The following TACO1 variants were observed in gnomAD, a reference collection of about 807,000 sequenced individuals.
TACO1 encodes translational activator of cytochrome c oxidase I.
In TACO1, 13 loss-of-function variants were observed where a neutral mutation model predicts 24.0. That is an observed-to-expected ratio of 0.54 (90% CI 0.35 to 0.86). TACO1 has a LOEUF of 0.86. Among genes scored for constraint, TACO1 ranks in the 40% least tolerant of loss-of-function variants. TACO1 has a pLI of 0.01. For missense variants in TACO1, 352 were observed against 380.1 expected (o/e 0.93, Z 0.61); for synonymous variants, 149 against 153.5 (o/e 0.97, Z 0.22).
rs146793018 is a variant in TACO1 at position 63,606,025 on chromosome 17, G to A, written c.388-288G>A. Among the ~76,000 whole-genome samples, 1,166 of 152,234 alleles carry A rather than the reference G, an allele frequency of 7.7e-3. 10 individuals carry two copies. Among genetic ancestry groups the A allele is most frequent in the Middle Eastern group, 0.017 (5 of 294 alleles). On this transcript the variant is annotated intron_variant, in intron 2 of 4. Transcript: ENST00000258975. ...GGAGGATGAGTCTGAGTGGGATTGG[G>A]TAGGGACTAGATGTGGCATTTGGTT...
At chr17:63,607,223 A>C in intron 3 of TACO1, 64 bp from the exon 4 acceptor site, 1 of 1,420,830 alleles carries the variant, frequency 7.0e-7, no homozygotes, top group East Asian at 2.3e-5. Context: ...TAGAATGATG[A>C]GCTTTATGGA....
At chr17:63,605,210 T>C (rs1170625348) in intron 2 of TACO1, among the ~76,000 whole-genome samples, 2 of 151,978 alleles carry the variant, frequency 1.3e-5, no homozygotes, top group Admixed American at 6.6e-5. Context: ...TGAGGTATTA[T>C]AGAAAGAAGG....
chr17:63,601,466 C>A, intron 1 of TACO1, 103 bp downstream of exon 1: 2 of 1,336,734 alleles, frequency 1.5e-6, no homozygotes, highest in South Asian at 1.2e-5. Flanking sequence ...TCCGGCCCTT[C>A]ACTTTGTTTT....
chr17:63,601,837 A>G (rs2033823907), intron 1 of TACO1, among the ~76,000 whole-genome samples: 1 of 152,084 alleles, frequency 6.6e-6, no homozygotes, highest in Non-Finnish European at 1.5e-5. Context: ...TTTCCCCAAG[A>G]CACATTTCCT....
rs2033817234 is a variant in TACO1 at position 63,601,160 on chromosome 17, C to T, written c.77C>T (p.Ala26Val). 1 of 1,544,782 alleles carries T rather than the reference C, an allele frequency of 6.5e-7. No homozygotes were observed. The highest frequency in any genetic ancestry group is 2.0e-5 in the Admixed American group (1 of 50,850). ...CTGGCACGAGGCCCCGGGGTCAGGGCGGCTCCTCCGCGCGACCCCCGGCCC... is the reference window on the plus strand; with the variant it reads ...CTGGCACGAGGCCCCGGGGTCAGGGTGGCTCCTCCGCGCGACCCCCGGCCC... ...CLLARGPGVR[A>V]APPRDPRPSH... Residue 26 changes from alanine (A) to valine (V), a missense_variant, in exon 1 of 5, where the codon GCG (alanine) becomes GTG (valine). Transcript: ENST00000258975.
At position 63,601,004 on chromosome 17, in the gene TACO1, A is replaced by C; in HGVS notation, c.-80A>C. Reference sequence around the variant, plus strand: ...CGGCACAGGCGGCCGCGGGGTCCGGAACTGCTTGTTCCGGCAGTGGAAGAG... The same window carrying C: ...CGGCACAGGCGGCCGCGGGGTCCGGCACTGCTTGTTCCGGCAGTGGAAGAG... On this transcript the variant is annotated 5_prime_UTR_variant, in exon 1 of 5. Coordinates refer to ENST00000258975, the MANE Select transcript of TACO1 (RefSeq NM_016360.4). 1 of 1,499,966 alleles carries C rather than the reference A, an allele frequency of 6.7e-7. No homozygotes were observed. The highest frequency in any genetic ancestry group is 9.0e-7 in the Non-Finnish European group (1 of 1,116,764). The allele number at this position is 1,499,966 out of a possible 1,614,324, so 92.9% of individuals were successfully genotyped here.
chr17:63,601,107 C>T lies in TACO1; in HGVS notation c.24C>T (p.Ser8=). The change falls in exon 1 of 5, where the codon AGC becomes AGT. Residue 8 remains serine (S), a synonymous_variant. Transcript: ENST00000258975. MSAWAAA[S]LSRAAARCLL... is the part of the protein sequence containing the mutation. ...CGATGTCGGCTTGGGCTGCTGCCAG[C>T]CTAAGCAGGGCCGCTGCCCGATGCT... The T allele has an allele frequency of 6.5e-7, 1 of 1,542,228 alleles. No homozygotes were observed. The highest frequency in any genetic ancestry group is 1.2e-5 in the South Asian group (1 of 83,940).
chr17:63,606,731 A>G (rs2033865135), intron 3 of TACO1: 2 of 422,134 alleles, frequency 4.7e-6, no homozygotes, highest in Non-Finnish European at 8.8e-6. Flanking sequence ...TTTTTAGTAG[A>G]GGTGACAGGG....
intron 1 of TACO1, among the ~76,000 whole-genome samples, chr17:63,602,133 G>T (rs1203891395): frequency 6.7e-6 from 1 of 148,624 alleles, no homozygotes; most frequent in African/African-American, 2.5e-5. Context: ...GGTGGTGCAT[G>T]CCTGTAATGC....
In TACO1 at chr17:63,606,417, T is replaced by C. The variant is rs779605896; in HGVS notation, c.492T>C (p.Ile164=). 1.9e-6 allele frequency: 3 copies of C among 1,614,112 alleles called. No homozygotes were observed. Among genetic ancestry groups the C allele is most frequent in the Middle Eastern group, 1.6e-4 (1 of 6,084 alleles). ...GTAGCCACAAGTGCCAAGCAGACAT[T>C]AGACATATCCTGAATAAGAATGGGT... ...SNSSHKCQAD[I]RHILNKNGGV... The change falls in exon 3 of 5, where the codon ATT becomes ATC. Residue 164 remains isoleucine (I), a synonymous_variant. Transcript: ENST00000258975.
intron 3 of TACO1, 53 bp downstream of exon 3, chr17:63,606,493 T>A: frequency 3.1e-6 from 5 of 1,609,322 alleles, no homozygotes; most frequent in Non-Finnish European, 4.3e-6. Flanking sequence ...ATGTTCCAAT[T>A]CTCTGCAAGG....
rs535078520 is a variant in TACO1, at chr17:63,608,209, G to A, written c.*207G>A. 6.7e-5 allele frequency: 43 copies of A among 638,908 alleles called. No individual in the cohort carries two copies. In the South Asian group the frequency reaches 7.2e-4, roughly 11 times the overall value. 39.6% of individuals were successfully genotyped at this position (638,908 alleles called of 1,614,324 possible). On this transcript the variant is annotated 3_prime_UTR_variant, in exon 5 of 5. Transcript: ENST00000258975. ...TCTGCTGCTGTCTCAGAGCCATCTG[G>A]ATGAGTGTCCCGACACCCTCTCGGA... is the stretch of plus-strand genomic sequence containing the variant.
In TACO1 at chr17:63,601,040, GT is replaced by G; in HGVS notation, c.-42del. 2 of 1,534,850 alleles carry G rather than the reference GT, an allele frequency of 1.3e-6. No individual in the cohort carries two copies. The highest frequency in any genetic ancestry group is 1.7e-6 in the Non-Finnish European group (2 of 1,145,176). On this transcript the variant is annotated 5_prime_UTR_variant, in exon 1 of 5. Coordinates refer to ENST00000258975, the MANE Select transcript of TACO1 (RefSeq NM_016360.4). ...CCGGCAGTGGAAGAGACGCGCCGGC[GT>G]TGGCCGCTGCTGCTAGCAGCTTGAA...
intron 1 of TACO1, 104 bp from the exon 2 acceptor site, chr17:63,604,430 T>C (rs1223442670): frequency 2.2e-6 from 2 of 917,200 alleles, no homozygotes; most frequent in Non-Finnish European, 1.8e-6. Flanking sequence ...AAATGGTGAT[T>C]TGCCACTCCT....
chr17:63,606,285 G>A (rs1045383049), intron 2 of TACO1, 28 bp from the exon 3 acceptor site: 1 of 1,612,458 alleles, frequency 6.2e-7, no homozygotes, highest in Non-Finnish European at 8.5e-7. Context: ...TGGGAAACAG[G>A]AAAATGTGCT....
intron 2 of TACO1, 54 bp from the exon 3 acceptor site, chr17:63,606,259 A>C: frequency 6.2e-7 from 1 of 1,610,580 alleles, no homozygotes; most frequent in Non-Finnish European, 8.5e-7. Flanking sequence ...TTCTGGGCTG[A>C]CATGTGGGAA....
chr17:63,605,166 A>G (rs2033853420), intron 2 of TACO1, among the ~76,000 whole-genome samples: 1 of 152,176 alleles, frequency 6.6e-6, no homozygotes, highest in Admixed American at 6.5e-5. Context: ...CCATACAGTC[A>G]AGACCGGGAC....
At chr17:63,606,288 A>T in intron 2 of TACO1, 25 bp from the exon 3 acceptor site, 1 of 1,612,518 alleles carries the variant, frequency 6.2e-7, no homozygotes, top group Non-Finnish European at 8.5e-7. Context: ...GAAACAGGAA[A>T]ATGTGCTTGT....
At chr17:63,605,094 C>T (rs796516234) in intron 2 of TACO1, among the ~76,000 whole-genome samples, 13 of 152,102 alleles carry the variant, frequency 8.5e-5, no homozygotes, top group African/African-American at 2.6e-4. Context: ...GAGAGCTCAC[C>T]GTCCTTGGTC....
Sources: gnomAD v4.1 joint callset for allele counts (sites outside exome capture counted in the v4.1 genomes callset) on GRCh38, gnomAD v4.1.1 for gene constraint, MANE v1.5 for transcripts, NCBI Gene and HGNC (gene_info 2026-07-23, HGNC 2026-07-21) for gene names.